Variants in SNTG1 observed in about 807,000 individuals in gnomAD.
SNTG1 encodes the protein gamma-1-syntrophin.
Under a neutral mutation model 74.7 loss-of-function variants are expected in SNTG1, and 39 were observed. That is an observed-to-expected ratio of 0.52 (90% CI 0.40 to 0.68). The LOEUF is 0.68. SNTG1 is among the 30% of genes least tolerant of loss of function. The pLI is 0.00. For missense variants in SNTG1, 685 were observed against 609.5 expected (o/e 1.12, Z -1.30); for synonymous variants, 254 against 217.1 (o/e 1.17, Z -1.49).
At chr8:50,336,667 A>G (rs1345541898) in intron 2 of SNTG1, among the ~76,000 whole-genome samples, 2 of 152,204 alleles carry the variant, frequency 1.3e-5, no homozygotes, top group African/African-American at 4.8e-5. Context: ...AACCCACACT[A>G]TGTTTGTTTG....
At chr8:50,433,733 T>C (rs1212791553) in intron 4 of SNTG1, among the ~76,000 whole-genome samples, 1 of 152,198 alleles carries the variant, frequency 6.6e-6, no homozygotes, top group Non-Finnish European at 1.5e-5. Flanking sequence ...TACCTAACTT[T>C]GTTTCATGAC....
chr8:50,089,025 C>T (rs1823202075), intron 1 of SNTG1, among the ~76,000 whole-genome samples: 1 of 151,632 alleles, frequency 6.6e-6, no homozygotes, highest in African/African-American at 2.4e-5. Flanking sequence ...GCTACAGTAA[C>T]CAAAACAGCA....
chr8:50,063,536 G>A (rs1820650220), intron 1 of SNTG1, among the ~76,000 whole-genome samples: 1 of 152,116 alleles, frequency 6.6e-6, no homozygotes, highest in South Asian at 2.1e-4. Flanking sequence ...TGAAATCAAA[G>A]CATTGGCTTA....
intron 2 of SNTG1, among the ~76,000 whole-genome samples, chr8:50,248,784 A>G (rs2086514003): frequency 6.6e-6 from 1 of 152,228 alleles, no homozygotes; most frequent in Non-Finnish European, 1.5e-5. Context: ...GCTGCTGATT[A>G]TGATATTAGC....
chr8:50,045,886 A>G (rs1586035042), intron 1 of SNTG1, among the ~76,000 whole-genome samples: 1 of 152,268 alleles, frequency 6.6e-6, no homozygotes, highest in East Asian at 1.9e-4. Flanking sequence ...TGTACTGGCC[A>G]CCAAAGCTCT....
chr8:50,248,110 T>C (rs2086483056), intron 2 of SNTG1, among the ~76,000 whole-genome samples: 1 of 152,180 alleles, frequency 6.6e-6, no homozygotes, highest in Non-Finnish European at 1.5e-5. Flanking sequence ...TGAATTAGGG[T>C]CCACACATAT....
intron 2 of SNTG1, among the ~76,000 whole-genome samples, chr8:50,229,268 T>C (rs1479441740): frequency 6.6e-6 from 1 of 151,580 alleles, no homozygotes; most frequent in African/African-American, 2.4e-5. Flanking sequence ...AATAATTATT[T>C]CAAGTGGACA....
At chr8:50,028,502 G>T (rs921800850) in intron 1 of SNTG1, among the ~76,000 whole-genome samples, 1 of 149,892 alleles carries the variant, frequency 6.7e-6, no homozygotes, top group Non-Finnish European at 1.5e-5. Flanking sequence ...TGATATGGCC[G>T]TTGCAGGTGT....
At chr8:50,361,643 C>T (rs1179333537) in intron 2 of SNTG1, among the ~76,000 whole-genome samples, 1 of 152,112 alleles carries the variant, frequency 6.6e-6, no homozygotes, top group African/African-American at 2.4e-5. Context: ...GAATCTTCTG[C>T]TAAACCCTTC....
intron 1 of SNTG1, among the ~76,000 whole-genome samples, chr8:50,132,867 T>TA (rs2081359738): frequency 6.6e-6 from 1 of 152,194 alleles, no homozygotes; most frequent in Non-Finnish European, 1.5e-5. Flanking sequence ...CATTCCTGGA[T>TA]AACTGTGTCT....
chr8:50,300,080 T>G (rs1316738122), intron 2 of SNTG1, among the ~76,000 whole-genome samples: 1 of 152,152 alleles, frequency 6.6e-6, no homozygotes, highest in Non-Finnish European at 1.5e-5. Context: ...AGTTTTAGTA[T>G]CTCATTCACA....
chr8:49,974,659 T>C (rs1288615924), intron 1 of SNTG1, among the ~76,000 whole-genome samples: 1 of 152,144 alleles, frequency 6.6e-6, no homozygotes, highest in African/African-American at 2.4e-5. Flanking sequence ...CTACATCAAC[T>C]GTAAAATGAA....
intron 1 of SNTG1, among the ~76,000 whole-genome samples, chr8:50,168,403 TAAAGG>T (rs1240090088): frequency 3.3e-5 from 5 of 152,102 alleles, no homozygotes; most frequent in African/African-American, 4.8e-5. Flanking sequence ...TCTCTAATAG[TAAAGG>T]AAAGAAAATA....
chr8:50,508,891 G>A (rs2094036350), intron 9 of SNTG1, among the ~76,000 whole-genome samples: 1 of 152,072 alleles, frequency 6.6e-6, no homozygotes, highest in Non-Finnish European at 1.5e-5. Flanking sequence ...TCTGATGGTG[G>A]TTTCTTTTGC....
At chr8:50,569,522 TCAAAAAA>T (rs1563589158) in intron 12 of SNTG1, among the ~76,000 whole-genome samples, 2 of 145,606 alleles carry the variant, frequency 1.4e-5, no homozygotes, top group Admixed American at 6.8e-5. Context: ...AAAAAAAAAA[TCAAAAAA>T]CAAAAAACAA....
intron 1 of SNTG1, among the ~76,000 whole-genome samples, chr8:49,999,879 C>G (rs113166963): frequency 6.6e-4 from 100 of 152,282 alleles, no homozygotes; most frequent in African/African-American, 2.2e-3. Flanking sequence ...TAGAATGGAA[C>G]CTCTTTTTAG....
intron 2 of SNTG1, among the ~76,000 whole-genome samples, chr8:50,190,470 A>G (rs545149142): frequency 6.6e-6 from 1 of 152,258 alleles, no homozygotes; most frequent in East Asian, 1.9e-4. Flanking sequence ...TGACTTTGCA[A>G]TCAGTTTGAA....
intron 2 of SNTG1, among the ~76,000 whole-genome samples, chr8:50,256,429 AC>A (rs1417183952): frequency 9.9e-5 from 15 of 151,884 alleles, no homozygotes; most frequent in African/African-American, 3.6e-4. Flanking sequence ...AAGCCTAAAC[AC>A]CTTATTAATC....
chr8:50,547,170 C>G (rs1201492240), intron 11 of SNTG1, among the ~76,000 whole-genome samples: 1 of 152,092 alleles, frequency 6.6e-6, no homozygotes, highest in African/African-American at 2.4e-5. Context: ...TTTCATCATC[C>G]TGATGTTACA....
Sources: allele counts gnomAD v4.1 joint callset (sites outside exome capture counted in the v4.1 genomes callset), GRCh38; gene constraint gnomAD v4.1.1; transcripts MANE v1.5; gene names NCBI Gene and HGNC (gene_info 2026-07-23, HGNC 2026-07-21).